The following GNA12 variants were observed in gnomAD, a reference collection of about 807,000 sequenced individuals.
GNA12 encodes guanine nucleotide-binding protein subunit alpha-12.
Under a neutral mutation model 26.0 loss-of-function variants are expected in GNA12, and 9 were observed. The observed-to-expected ratio is 0.35, with a 90% confidence interval of 0.21 to 0.60. GNA12 has a LOEUF of 0.60. Among genes scored for constraint, GNA12 ranks in the 20% least tolerant of loss-of-function variants. The pLI is 0.78. For synonymous variants in GNA12, 264 were observed against 219.6 expected, an observed-to-expected ratio of 1.20 and a Z score of -1.79; for missense variants, 405 against 525.8, an observed-to-expected ratio of 0.77 and a Z score of 2.25.
At chr7:2,770,987 A>G (rs1234871313) in intron 2 of GNA12, among the ~76,000 whole-genome samples, 1 of 152,158 alleles carries the variant, frequency 6.6e-6, no homozygotes, top group Non-Finnish European at 1.5e-5. Context: ...TTAGTAAACC[A>G]AATTATTAAA....
At chr7:2,776,017 G>A (rs1583271663) in intron 2 of GNA12, among the ~76,000 whole-genome samples, 1 of 152,266 alleles carries the variant, frequency 6.6e-6, no homozygotes, top group Admixed American at 6.5e-5. Context: ...GACACAGCTG[G>A]CAAGTATAGC....
At chr7:2,814,419 A>G in intron 1 of GNA12, 1 of 1,256,802 alleles carries the variant, frequency 8.0e-7, no homozygotes, top group Non-Finnish European at 1.2e-6. Flanking sequence ...AATTCCTATA[A>G]TCTGAATTAA....
At chr7:2,748,065 A>G (rs208351) in intron 2 of GNA12, among the ~76,000 whole-genome samples, 136,600 of 147,554 alleles carry the variant, frequency 0.93, 63,323 homozygotes, top group East Asian at 1. Context: ...AATCGATATC[A>G]TGAAAATGGC....
rs915724688 is a variant in GNA12 at position 2,814,468 on chromosome 7, T to C, written c.310-19325A>G. On this transcript the variant is annotated intron_variant, in intron 1 of 3. Coordinates refer to ENST00000275364, the MANE Select transcript of GNA12 (RefSeq NM_007353.3). ...CATCAGAATAAAGCCCTGCTCAAGC[T>C]TCTCCAAGCTCACAAATAAAATCAA... 1.4e-5 allele frequency: 12 copies of C among 869,962 alleles called. No individual in the cohort carries two copies. The African/African-American group carries it at 1.7e-4, about 12-fold the overall frequency. The allele number at this position is 869,962 out of a possible 1,614,324, so 53.9% of individuals were successfully genotyped here. A position where few individuals can be genotyped will look rare whatever the true frequency, so the allele number is the denominator to read the frequency against.
chr7:2,737,286 T>G lies in GNA12; in HGVS notation c.526-3785A>C, dbSNP rs1260927804. Among the ~76,000 whole-genome samples, 8 of 41,082 alleles carry G rather than the reference T, an allele frequency of 1.9e-4. 1 individual carries two copies. The highest frequency in any genetic ancestry group is 4.7e-4 in the East Asian group (1 of 2,150). The allele number at this position is 41,082 out of a possible 152,430, so 27.0% of individuals were successfully genotyped here. On this transcript the variant is annotated intron_variant, in intron 2 of 3. Transcript: ENST00000275364. Reference sequence around the variant, plus strand: ...ACAGTTTTGTTTTGTTTTTTTTTTTTTTGTTTTTTTTTTTTTTTTTGAGAT... The same window carrying G: ...ACAGTTTTGTTTTGTTTTTTTTTTTGTTGTTTTTTTTTTTTTTTTTGAGAT...
intron 1 of GNA12, among the ~76,000 whole-genome samples, chr7:2,809,133 TCA>T (rs944224682): frequency 5.9e-5 from 9 of 152,226 alleles, no homozygotes; most frequent in Admixed American, 2.0e-4. Flanking sequence ...CTACCCGCCT[TCA>T]GAGTCCACTC....
chr7:2,804,806 C>T (rs958620598), intron 1 of GNA12, among the ~76,000 whole-genome samples: 1 of 151,986 alleles, frequency 6.6e-6, no homozygotes, highest in Non-Finnish European at 1.5e-5. Flanking sequence ...AGCCTGTAAT[C>T]CTAGCGCTTT....
chr7:2,838,260 ATAATACAAAGCATTATACT>A (rs1778894758), intron 1 of GNA12, among the ~76,000 whole-genome samples: 1 of 150,980 alleles, frequency 6.6e-6, no homozygotes, highest in Non-Finnish European at 1.5e-5. Context: ...TACCAAGAAA[ATAATACAAAGCATTATACT>A]TAAAAAAAAA....
chr7:2,812,582 T>C (rs1210053484), intron 1 of GNA12, among the ~76,000 whole-genome samples: 5 of 143,784 alleles, frequency 3.5e-5, no homozygotes, highest in African/African-American at 1.0e-4. Flanking sequence ...TGAGACAAGA[T>C]TGTGCCACTG....
intron 2 of GNA12, among the ~76,000 whole-genome samples, chr7:2,753,559 C>T (rs745475036): frequency 4.6e-5 from 7 of 152,120 alleles, no homozygotes; most frequent in East Asian, 1.9e-4. Flanking sequence ...ATGGTCTGAA[C>T]GTGCCGCAGT....
chr7:2,843,181 C>T lies in GNA12; in HGVS notation c.309+672G>A, dbSNP rs6942735. ...CCACTGCTCTTCTTCTAAGCTCAGC[C>T]GGAGGGCACGGCCGGTTGGGCTCCT... On this transcript the variant is annotated intron_variant, in intron 1 of 3. Coordinates refer to ENST00000275364, the MANE Select transcript of GNA12 (RefSeq NM_007353.3). Among the ~76,000 whole-genome samples the T allele has an allele frequency of 9.4e-3, 1,430 of 152,206 alleles. 30 individuals are homozygous for T. The highest frequency in any genetic ancestry group is 0.033 in the African/African-American group (1,368 of 41,506).
chr7:2,813,434 C>G (rs75952140), intron 1 of GNA12, among the ~76,000 whole-genome samples: 1,959 of 152,286 alleles, frequency 0.013, 24 homozygotes, highest in Middle Eastern at 0.085. Context: ...CCAGAGGGAA[C>G]AGAAGTTCCC....
chr7:2,776,264 C>A (rs746652442), intron 2 of GNA12, among the ~76,000 whole-genome samples: 20 of 152,186 alleles, frequency 1.3e-4, no homozygotes, highest in Admixed American at 1.0e-3. Flanking sequence ...AGAGTGAACA[C>A]TGACTCTGGA....
At chr7:2,769,504 G>A (rs1682342616) in intron 2 of GNA12, among the ~76,000 whole-genome samples, 1 of 152,050 alleles carries the variant, frequency 6.6e-6, no homozygotes, top group African/African-American at 2.4e-5. Flanking sequence ...GCCGAGGTCG[G>A]CGGATCACGA....
chr7:2,766,568 T>C (rs1308855386), intron 2 of GNA12, among the ~76,000 whole-genome samples: 1 of 151,996 alleles, frequency 6.6e-6, no homozygotes, highest in East Asian at 1.9e-4. Context: ...GTATTTTAAA[T>C]AGAGACAGGG....
chr7:2,835,796 T>C (rs375447439), intron 1 of GNA12: 7 of 680,888 alleles, frequency 1.0e-5, no homozygotes, highest in African/African-American at 5.3e-5. Flanking sequence ...GGTACCATGC[T>C]TGCAGATGCT....
At chr7:2,843,354 C>G (rs1331118100) in intron 1 of GNA12, among the ~76,000 whole-genome samples, 2 of 152,018 alleles carry the variant, frequency 1.3e-5, no homozygotes, top group East Asian at 1.9e-4. Flanking sequence ...CTAGAGAGGG[C>G]AGAGGCAGAC....
chr7:2,787,099 A>C (rs1792381117), intron 2 of GNA12, among the ~76,000 whole-genome samples: 1 of 151,952 alleles, frequency 6.6e-6, no homozygotes, highest in African/African-American at 2.4e-5. Context: ...AAATCCACAG[A>C]CAGAACACAA....
At chr7:2,825,371 C>T (rs1230831930) in intron 1 of GNA12, among the ~76,000 whole-genome samples, 2 of 152,186 alleles carry the variant, frequency 1.3e-5, no homozygotes, top group African/African-American at 4.8e-5. Flanking sequence ...GAGCAGAGAG[C>T]TGACAGAAGC....
Sources: allele counts gnomAD v4.1 joint callset (sites outside exome capture counted in the v4.1 genomes callset), GRCh38; gene constraint gnomAD v4.1.1; transcripts MANE v1.5; gene names NCBI Gene and HGNC (gene_info 2026-07-23, HGNC 2026-07-21).